MCTP1: variants seen among roughly 807,000 people sequenced by gnomAD.
MCTP1 encodes multiple C2 and transmembrane domain-containing protein 1.
MCTP1 carries 69 observed loss-of-function variants against 120.6 expected under a neutral mutation model. The ratio of observed to expected loss-of-function variants is 0.57; its 90% CI spans 0.47 to 0.70. The LOEUF (loss-of-function observed/expected upper bound fraction) is 0.70, where lower values mean the gene tolerates loss of function less well. Among genes scored for constraint, MCTP1 ranks in the 30% least tolerant of loss-of-function variants. The probability of loss-of-function intolerance (pLI) is 0.00; values close to 1 mark genes in which losing one functional copy is unlikely to be tolerated. For synonymous variants in MCTP1, 529 were observed against 493.1 expected, an observed-to-expected ratio of 1.07 and a Z score of -0.96; for missense variants, 1,203 against 1,248.8, an observed-to-expected ratio of 0.96 and a Z score of 0.55.
At chr5:94,949,756 T>C (rs1820017481) in intron 3 of MCTP1, among the ~76,000 whole-genome samples, 1 of 152,158 alleles carries the variant, frequency 6.6e-6, no homozygotes, top group South Asian at 2.1e-4. Context: ...TCTAACTATG[T>C]AGTTCACAGA....
At chr5:94,860,096 C>T (rs151029599) in intron 17 of MCTP1, among the ~76,000 whole-genome samples, 60 of 151,202 alleles carry the variant, frequency 4.0e-4, no homozygotes, top group African/African-American at 1.4e-3. Context: ...TTTTTTTGAC[C>T]TATGGTGAAC....
chr5:94,721,731 A>G (rs1760932965), intron 19 of MCTP1, among the ~76,000 whole-genome samples: 1 of 152,118 alleles, frequency 6.6e-6, no homozygotes, highest in Non-Finnish European at 1.5e-5. Context: ...TATTGTAGAG[A>G]ATAAATTGGT....
chr5:94,908,166 T>C (rs1807430089), intron 10 of MCTP1, among the ~76,000 whole-genome samples: 1 of 151,996 alleles, frequency 6.6e-6, no homozygotes, highest in Non-Finnish European at 1.5e-5. Context: ...TTAGGAAAAC[T>C]CTGAAAATAG....
chr5:95,091,563 C>A lies in MCTP1; in HGVS notation c.721-74079G>T, dbSNP rs567192984. Among the ~76,000 whole-genome samples, 12 of 152,252 alleles carry A rather than the reference C, an allele frequency of 7.9e-5. No individual in the cohort carries two copies. The East Asian group carries it at 2.3e-3, about 29-fold the overall frequency. On this transcript the variant is annotated intron_variant, in intron 1 of 22. Coordinates refer to ENST00000515393, the MANE Select transcript of MCTP1 (RefSeq NM_024717.7). Reference sequence around the variant, plus strand: ...AGTCTCTCTTAAAGCCTTTAGATGCCCTGACTGCCTGGGGGCTGCCTTGCT... The same window carrying A: ...AGTCTCTCTTAAAGCCTTTAGATGCACTGACTGCCTGGGGGCTGCCTTGCT...
chr5:94,817,386 C>T (rs1784683409), intron 17 of MCTP1, among the ~76,000 whole-genome samples: 2 of 151,374 alleles, frequency 1.3e-5, no homozygotes, highest in African/African-American at 2.4e-5. Context: ...CCAACCTGGG[C>T]GACAGTGAGA....
intron 17 of MCTP1, chr5:94,867,217 A>AT (rs1441610650): frequency 5.4e-5 from 76 of 1,404,108 alleles, no homozygotes; most frequent in East Asian, 3.9e-4. Flanking sequence ...AGAGAGAGAG[A>AT]TTTTTTTTCT....
At chr5:94,714,950 G>T (rs1758526442) in intron 19 of MCTP1, 64 bp from the exon 20 acceptor site, 2 of 932,840 alleles carry the variant, frequency 2.1e-6, no homozygotes, top group Non-Finnish European at 3.5e-6. Flanking sequence ...TGAATTCTTT[G>T]TGTTGTCCCT....
chr5:94,744,939 G>A (rs1766526064), intron 19 of MCTP1, among the ~76,000 whole-genome samples: 1 of 152,184 alleles, frequency 6.6e-6, no homozygotes, highest in Non-Finnish European at 1.5e-5. Flanking sequence ...TGCCTGTGCT[G>A]TGCAAACTTG....
At chr5:95,032,138 T>C (rs1325887136) in intron 1 of MCTP1, among the ~76,000 whole-genome samples, 2 of 152,058 alleles carry the variant, frequency 1.3e-5, no homozygotes, top group Non-Finnish European at 2.9e-5. Context: ...CATACAATAA[T>C]AGTAGGGGGC....
At chr5:94,796,577 A>AG (rs1780062059) in intron 18 of MCTP1, among the ~76,000 whole-genome samples, 1 of 138,966 alleles carries the variant, frequency 7.2e-6, no homozygotes, top group African/African-American at 2.8e-5. Context: ...GTGTGTATCC[A>AG]CATACACACA....
chr5:95,025,005 A>G (rs1468992187), intron 1 of MCTP1, among the ~76,000 whole-genome samples: 1 of 152,184 alleles, frequency 6.6e-6, no homozygotes, highest in Non-Finnish European at 1.5e-5. Flanking sequence ...AATGGGATCT[A>G]CAGATTCAAT....
At chr5:94,786,211 G>A (rs1343049853) in intron 18 of MCTP1, among the ~76,000 whole-genome samples, 2 of 152,048 alleles carry the variant, frequency 1.3e-5, no homozygotes, top group Non-Finnish European at 2.9e-5. Context: ...TGAGTGGAAC[G>A]GGTGTACATT....
chr5:94,736,156 T>A (rs1309628105), intron 19 of MCTP1, among the ~76,000 whole-genome samples: 1 of 152,238 alleles, frequency 6.6e-6, no homozygotes, highest in African/African-American at 2.4e-5. Context: ...ACCACCACTA[T>A]CACTTACAAT....
chr5:94,708,860 C>T, intron 21 of MCTP1: 1 of 317,500 alleles, frequency 3.1e-6, no homozygotes, highest in South Asian at 5.7e-5. Flanking sequence ...GGTTAATTAG[C>T]AATATCTTGG....
intron 17 of MCTP1, among the ~76,000 whole-genome samples, chr5:94,810,016 T>A (rs975558280): frequency 2.6e-5 from 4 of 152,140 alleles, no homozygotes; most frequent in African/African-American, 9.7e-5. Flanking sequence ...TTCTTATGCC[T>A]CCAATGAAAA....
intron 17 of MCTP1, among the ~76,000 whole-genome samples, chr5:94,849,864 A>G (rs536972949): frequency 4.6e-5 from 7 of 152,322 alleles, no homozygotes; most frequent in Non-Finnish European, 7.4e-5. Flanking sequence ...TTTGCCATTT[A>G]AAAAATACAT....
In MCTP1 at chr5:94,799,089, G is replaced by C; in HGVS notation, c.2480C>G (p.Pro827Arg). The C allele has an allele frequency of 6.2e-7, 1 of 1,611,766 alleles. No homozygotes were observed. Among genetic ancestry groups the C allele is most frequent in the South Asian group, 1.1e-5 (1 of 90,954 alleles). Residue 827 changes from proline to arginine, a missense_variant, in exon 18 of 23, where the codon CCA (proline) becomes CGA (arginine). This residue lies in a region of MCTP1 where 740 missense variants were observed against 871.1 expected (regional missense o/e 0.85). Transcript: ENST00000515393. Reference protein sequence around the residue: ...VVWNFELYMIPLVLLLLLTWN... With the variant: ...VVWNFELYMIRLVLLLLLTWN... ...TGTCAATAGTAACAACAAAACCAGT[G>C]GTATCATGTAGAGCTCAAAGTTCCA... is the stretch of plus-strand genomic sequence containing the variant.
At chr5:94,844,256 C>T (rs1391373283) in intron 17 of MCTP1, among the ~76,000 whole-genome samples, 4 of 139,554 alleles carry the variant, frequency 2.9e-5, no homozygotes, top group African/African-American at 8.0e-5. Flanking sequence ...GAGCCGAGAT[C>T]GCGCCATTGC....
At chr5:94,982,373 A>C (rs1456287729) in intron 2 of MCTP1, among the ~76,000 whole-genome samples, 1 of 152,186 alleles carries the variant, frequency 6.6e-6, no homozygotes, top group Non-Finnish European at 1.5e-5. Context: ...AATATATTTA[A>C]GGCAATGACA....
Sources: gnomAD v4.1 joint callset for allele counts (sites outside exome capture counted in the v4.1 genomes callset) on GRCh38, gnomAD v4.1.1 for gene constraint, gnomAD v4.1.1 regional missense constraint, MANE v1.5 for transcripts, NCBI Gene and HGNC (gene_info 2026-07-23, HGNC 2026-07-21) for gene names.